Variants in LMF1 observed in about 807,000 individuals in gnomAD.
LMF1 encodes lipase maturation factor 1, also known as transmembrane protein 112.
In LMF1, 68 loss-of-function variants were observed where a neutral mutation model predicts 60.6. The observed-to-expected ratio is 1.12, with a 90% CI of 0.92 to 1.37. The LOEUF (loss-of-function observed/expected upper bound fraction) is 1.37, where lower values mean the gene tolerates loss of function less well. Ranked by LOEUF, LMF1 falls within the 40% of genes most tolerant of loss-of-function variation. The probability of loss-of-function intolerance (pLI) is 0.00; values close to 1 mark genes in which losing one functional copy is unlikely to be tolerated. For missense variants in LMF1, 948 were observed against 767.2 expected (o/e 1.24, Z -2.78); for synonymous variants, 418 against 324.7 (o/e 1.29, Z -3.09).
At chr16:959,739 G>A (rs559270417) in intron 1 of LMF1, among the ~76,000 whole-genome samples, 2 of 152,130 alleles carry the variant, frequency 1.3e-5, no homozygotes, top group Non-Finnish European at 2.9e-5. Context: ...GACAATTCTC[G>A]CACGTGCACC....
At position 908,334 on chromosome 16, in the gene LMF1, G is replaced by GA. The variant is rs2071020962; in HGVS notation, c.663+2596dup. On this transcript the variant is annotated intron_variant, in intron 4 of 10. Coordinates refer to ENST00000262301, the MANE Select transcript of LMF1 (RefSeq NM_022773.4). The stretch of plus-strand genomic sequence containing the variant: ...GCATCCCACTTTCCTGCGCGATCTG[G>GA]ATGCCGGGTTGCAGCTATGCCCTCC... 3.3e-5 allele frequency among the ~76,000 whole-genome samples: 5 copies of GA among 152,204 alleles called. No homozygotes were observed. The South Asian group carries it at 1.0e-3, about 31-fold the overall frequency.
At chr16:890,541 C>T (rs1014005083) in intron 5 of LMF1, among the ~76,000 whole-genome samples, 1 of 152,178 alleles carries the variant, frequency 6.6e-6, no homozygotes, top group African/African-American at 2.4e-5. Context: ...TCAGCCTGTC[C>T]TGGGATGTGG....
intron 10 of LMF1, 187 bp from the exon 11 acceptor site, chr16:854,893 G>A (rs1302943036): frequency 1.2e-5 from 8 of 644,270 alleles, no homozygotes; most frequent in South Asian, 8.9e-5. Flanking sequence ...TGTTCCAGTC[G>A]GCACCCTCAG....
chr16:897,807 C>T lies in LMF1; in HGVS notation c.664-4735G>A, dbSNP rs950461486. 2.0e-5 allele frequency among the ~76,000 whole-genome samples: 3 copies of T among 152,200 alleles called. No individual in the cohort carries two copies. The highest frequency in any genetic ancestry group is 2.9e-5 in the Non-Finnish European group (2 of 68,036). ...GCAGCAGGGGTGGTGCCTGGGGTCC[C>T]GCCTGGCTCCGTGGCTTTCCTGTCT... is the stretch of plus-strand genomic sequence containing the variant. On this transcript the variant is annotated intron_variant, in intron 4 of 10. Coordinates refer to ENST00000262301, the MANE Select transcript of LMF1 (RefSeq NM_022773.4). The surrounding 1 kb of genome is among the most constrained non-coding windows in gnomAD (Gnocchi z 4.3).
chr16:966,405 C>T (rs1186223423), intron 1 of LMF1, among the ~76,000 whole-genome samples: 2 of 152,234 alleles, frequency 1.3e-5, no homozygotes, highest in Non-Finnish European at 2.9e-5. Flanking sequence ...CCCACAAACA[C>T]ATGGACCGAC....
At chr16:959,949 AC>A (rs1253175062) in intron 1 of LMF1, among the ~76,000 whole-genome samples, 1 of 150,992 alleles carries the variant, frequency 6.6e-6, no homozygotes, top group Non-Finnish European at 1.5e-5. Context: ...GACCAGGTTG[AC>A]CTTCGTATAC....
At chr16:926,211 G>A (rs2071595152) in intron 3 of LMF1, among the ~76,000 whole-genome samples, 1 of 152,196 alleles carries the variant, frequency 6.6e-6, no homozygotes, top group South Asian at 2.1e-4. Flanking sequence ...GTGGGTCTGT[G>A]TGCGCGTGTG....
At chr16:929,831 A>G (rs2071718720) in intron 3 of LMF1, among the ~76,000 whole-genome samples, 1 of 152,392 alleles carries the variant, frequency 6.6e-6, no homozygotes, top group South Asian at 2.1e-4. Context: ...CATCCTGCTC[A>G]GCAGTCACGT....
At chr16:872,133 G>T (rs1055263837) in intron 6 of LMF1, 1 of 152,222 alleles carries the variant, frequency 6.6e-6, no homozygotes, top group East Asian at 1.9e-4. Flanking sequence ...TGCCGTTGCC[G>T]TGGAGGCATC....
intron 10 of LMF1, among the ~76,000 whole-genome samples, chr16:858,642 G>A (rs866561337): frequency 3.8e-4 from 30 of 79,444 alleles, no homozygotes; most frequent in Non-Finnish European, 4.2e-4. Context: ...GTGTGCAGTG[G>A]TGTCTCGGGA....
At chr16:876,811 T>A (rs2069998697) in intron 6 of LMF1, among the ~76,000 whole-genome samples, 1 of 151,838 alleles carries the variant, frequency 6.6e-6, no homozygotes, top group South Asian at 2.1e-4. Context: ...GCTGATTGAT[T>A]GATAACCACT....
At chr16:948,509 C>T (rs1416153009) in intron 2 of LMF1, among the ~76,000 whole-genome samples, 1 of 150,912 alleles carries the variant, frequency 6.6e-6, no homozygotes, top group Non-Finnish European at 1.5e-5. Context: ...CAGCCAACGA[C>T]AGAGTCAGAG....
chr16:894,310 C>T (rs1265600620), intron 4 of LMF1, among the ~76,000 whole-genome samples: 13 of 86,638 alleles, frequency 1.5e-4, no homozygotes, highest in East Asian at 3.4e-4. Context: ...CCCTGTCCAC[C>T]GGATCGTCCA....
intron 3 of LMF1, among the ~76,000 whole-genome samples, chr16:911,343 C>T (rs1004106107): frequency 2.6e-5 from 4 of 152,140 alleles, no homozygotes; most frequent in Non-Finnish European, 5.9e-5. Flanking sequence ...AAAGGCCCCG[C>T]TCTGAGGTCC....
intron 10 of LMF1, among the ~76,000 whole-genome samples, chr16:857,067 C>A (rs1596821853): frequency 6.6e-6 from 1 of 152,260 alleles, no homozygotes; most frequent in East Asian, 1.9e-4. Flanking sequence ...CACGCCAATT[C>A]TCAGGTTCCG....
At chr16:910,906 C>A in intron 4 of LMF1, 25 bp downstream of exon 4, 1 of 1,611,358 alleles carries the variant, frequency 6.2e-7, no homozygotes, top group South Asian at 1.1e-5. Context: ...ATTCCCCAAA[C>A]ACCACGCAGA....
intron 3 of LMF1, among the ~76,000 whole-genome samples, chr16:921,893 T>C (rs1202924103): frequency 6.6e-6 from 1 of 152,142 alleles, no homozygotes; most frequent in African/African-American, 2.4e-5. Flanking sequence ...AAAGATTGAC[T>C]ACATAGAAAA....
At chr16:863,638 C>T (rs974111568) in intron 10 of LMF1, among the ~76,000 whole-genome samples, 1 of 152,142 alleles carries the variant, frequency 6.6e-6, no homozygotes, top group Non-Finnish European at 1.5e-5. Context: ...CCTAGTTATT[C>T]ATGTGATCTT....
rs1429522896 is a variant in LMF1 at position 878,821 on chromosome 16, G to A, written c.897+749C>T. 2.6e-5 allele frequency among the ~76,000 whole-genome samples: 4 copies of A among 152,166 alleles called. No individual in the cohort carries two copies. Among genetic ancestry groups the A allele is most frequent in the South Asian group, 2.1e-4 (1 of 4,832 alleles). On this transcript the variant is annotated intron_variant, in intron 6 of 10. Coordinates refer to ENST00000262301, the MANE Select transcript of LMF1 (RefSeq NM_022773.4). This position sits in a 1 kb window ranked among gnomAD's most constrained non-coding sequence, Gnocchi z 5.2. ...ATCTGTTTTCCAGAGCACGTGGAAC[G>A]CCACCTGGACCTGTGCATTTTCCTG... is the stretch of plus-strand genomic sequence containing the variant.
Sources: gnomAD v4.1 joint callset for allele counts (sites outside exome capture counted in the v4.1 genomes callset) on GRCh38, gnomAD v4.1.1 for gene constraint, Gnocchi (gnomAD v3.1) non-coding constraint, MANE v1.5 for transcripts, NCBI Gene and HGNC (gene_info 2026-07-23, HGNC 2026-07-21) for gene names.